KLHL41: variants seen among roughly 807,000 people sequenced by gnomAD.
The protein encoded by KLHL41 is kelch-like protein 41.
Under a neutral mutation model 49.2 loss-of-function variants are expected in KLHL41, and 31 were observed. The observed-to-expected ratio is 0.63, with a 90% confidence interval of 0.47 to 0.85. The LOEUF (loss-of-function observed/expected upper bound fraction) is 0.85. Ranked by LOEUF, KLHL41 falls within the 40% of genes least tolerant of loss-of-function variation. KLHL41 has a pLI of 0.00. For synonymous variants in KLHL41, 218 were observed against 258.5 expected (o/e 0.84, Z 1.50); for missense variants, 663 against 726.7 (o/e 0.91, Z 1.01).
chr2:169,524,864 A>G (rs1382794463), intron 5 of KLHL41, among the ~76,000 whole-genome samples: 2 of 152,170 alleles, frequency 1.3e-5, no homozygotes, highest in Non-Finnish European at 2.9e-5. Flanking sequence ...AGAAAGAGAA[A>G]GCAACAAACT....
chr2:169,523,012 C>T (rs753567799), intron 5 of KLHL41, among the ~76,000 whole-genome samples: 11 of 151,896 alleles, frequency 7.2e-5, no homozygotes, highest in South Asian at 2.1e-4. Context: ...CGTCAGCCAC[C>T]GAGCCCAGCC....
At position 169,509,839 on chromosome 2, in the gene KLHL41, G is replaced by C. The variant is rs765617286; in HGVS notation, c.61G>C (p.Asp21His). The change falls in exon 1 of 6, where the codon GAT becomes CAT. Residue 21 changes from aspartate to histidine, a missense_variant. By Grantham distance (81) the Asp-to-His change is moderately conservative. Coordinates refer to ENST00000284669, the MANE Select transcript of KLHL41 (RefSeq NM_006063.3). Reference protein sequence around the residue: ...LRLYQSTLLQDGLKDLLDEKK... With the variant: ...LRLYQSTLLQHGLKDLLDEKK... ...GCTTTACCAATCCACCCTTCTTCAG[G>C]ATGGTCTAAAAGATCTCCTGGATGA... 2.5e-6 allele frequency: 4 copies of C among 1,613,944 alleles called. No individual in the cohort carries two copies. The South Asian group carries it at 4.4e-5, about 18-fold the overall frequency.
chr2:169,521,502 T>C (rs1179756567), intron 5 of KLHL41, among the ~76,000 whole-genome samples: 5 of 152,220 alleles, frequency 3.3e-5, no homozygotes, highest in Non-Finnish European at 7.3e-5. Flanking sequence ...CAAGTGATTC[T>C]CCTGCCTCAG....
Position 169,518,375 on chromosome 2 carries a change from A to C in KLHL41, c.1562A>C (p.Lys521Thr). ...GAAGCTTTTGACCTTACAACAAATA[A>C]GTGAGTTGCCACATCTTAGTATATA... ...SVEAFDLTTN[K>T]WDVMTEFPQE... Residue 521 changes from lysine to threonine, a missense_variant and splice_region_variant, in exon 4 of 6, where the codon AAA becomes ACA. Physicochemically the swap from Lys to Thr is moderately conservative, Grantham distance 78. Around this residue, in one of 3 missense-constraint regions of KLHL41, gnomAD observed 528 missense variants for 581.0 expected, o/e 0.91. Coordinates refer to ENST00000284669, the MANE Select transcript of KLHL41 (RefSeq NM_006063.3). 1 of 1,606,022 alleles carries C rather than the reference A, an allele frequency of 6.2e-7. No homozygotes were observed.
At chr2:169,522,705 A>ATTTTT (rs60635668) in intron 5 of KLHL41, among the ~76,000 whole-genome samples, 562 of 50,122 alleles carry the variant, frequency 0.011, 63 homozygotes, top group East Asian at 0.028. Context: ...CTTCCCAGTG[A>ATTTTT]TTTTTTTTTT....
At chr2:169,522,388 A>G (rs537927303) in intron 5 of KLHL41, among the ~76,000 whole-genome samples, 5 of 152,304 alleles carry the variant, frequency 3.3e-5, no homozygotes, top group South Asian at 2.1e-4. Context: ...CCCCCAAAAA[A>G]GAGGGAGAAA....
chr2:169,518,575 G>A (rs1236493178), intron 4 of KLHL41, among the ~76,000 whole-genome samples, 200 bp downstream of exon 4: 1 of 152,178 alleles, frequency 6.6e-6, no homozygotes, highest in African/African-American at 2.4e-5. Context: ...TGCATTATAT[G>A]TCTGTAATCT....
At chr2:169,521,035 A>G (rs1376028003) in intron 5 of KLHL41, 28 bp downstream of exon 5, 1 of 1,599,206 alleles carries the variant, frequency 6.3e-7, no homozygotes, top group African/African-American at 1.3e-5. Flanking sequence ...CAATTTTCAG[A>G]ATCACATATT....
At chr2:169,522,864 A>G (rs1476677076) in intron 5 of KLHL41, among the ~76,000 whole-genome samples, 1 of 151,762 alleles carries the variant, frequency 6.6e-6, no homozygotes, top group Non-Finnish European at 1.5e-5. Context: ...CTGGGACTAC[A>G]GGTGTGCACC....
Position 169,518,304 on chromosome 2 carries a change from T to G in KLHL41, c.1491T>G (p.Ile497Met), listed in dbSNP as rs750017404. The G allele has an allele frequency of 6.2e-7, 1 of 1,614,064 alleles. No homozygotes were observed. Among genetic ancestry groups the G allele is most frequent in the Non-Finnish European group, 8.5e-7 (1 of 1,179,952 alleles). The change falls in exon 4 of 6, where the codon ATT becomes ATG. Residue 497 changes from isoleucine to methionine, a missense_variant. Physicochemically the swap from Ile to Met is conservative, Grantham distance 10 (BLOSUM62 1). Coordinates refer to ENST00000284669, the MANE Select transcript of KLHL41 (RefSeq NM_006063.3). ...MFGVAVHKGK[I>M]VIAGGVTEDG... is the part of the protein sequence containing the mutation. ...GAGTAGCAGTCCATAAAGGCAAAAT[T>G]GTGATTGCAGGAGGTGTCACTGAAG... is the stretch of plus-strand genomic sequence containing the variant.
chr2:169,525,591 A>AGAT lies in KLHL41; in HGVS notation c.1720_1722dup (p.Asp574dup), dbSNP rs765973620. 2 of 1,599,294 alleles carry AGAT rather than the reference A, an allele frequency of 1.3e-6. No individual in the cohort carries two copies. The highest frequency in any genetic ancestry group is 4.5e-5 in the East Asian group (2 of 44,782). ...TTTTTTTTTCCTCCATCAGGTATGA[A>AGAT]GATGATAAAAAAGAATGGGCTGGGA... On this transcript the variant is annotated inframe_insertion, in exon 6 of 6. Coordinates refer to ENST00000284669, the MANE Select transcript of KLHL41 (RefSeq NM_006063.3).
At chr2:169,520,598 C>T (rs1175859929) in intron 4 of KLHL41, among the ~76,000 whole-genome samples, 1 of 151,614 alleles carries the variant, frequency 6.6e-6, no homozygotes, top group Non-Finnish European at 1.5e-5. Flanking sequence ...ATTACAAGTG[C>T]GCGCCACCGT....
intron 1 of KLHL41, chr2:169,514,303 G>C: frequency 3.3e-6 from 1 of 300,340 alleles, no homozygotes; most frequent in Non-Finnish European, 6.1e-6. Context: ...CCTCACAGTT[G>C]TAATTAACCT....
intron 3 of KLHL41, among the ~76,000 whole-genome samples, chr2:169,517,420 T>C: frequency 6.6e-6 from 1 of 152,184 alleles, no homozygotes; most frequent in Non-Finnish European, 1.5e-5. Context: ...CTGGCCAACA[T>C]GGCGAAACCC....
At chr2:169,524,714 G>A (rs1051023012) in intron 5 of KLHL41, among the ~76,000 whole-genome samples, 6 of 151,868 alleles carry the variant, frequency 4.0e-5, no homozygotes, top group African/African-American at 1.5e-4. Flanking sequence ...GGGTTGTCTT[G>A]TGCCAGGTCT....
chr2:169,519,889 C>T (rs775002789), intron 4 of KLHL41, among the ~76,000 whole-genome samples: 5 of 151,990 alleles, frequency 3.3e-5, no homozygotes, highest in Middle Eastern at 3.4e-3. Flanking sequence ...CCACCGTGCC[C>T]GGCCTTAGGG....
chr2:169,522,169 G>A (rs1216300603), intron 5 of KLHL41, among the ~76,000 whole-genome samples: 1 of 152,170 alleles, frequency 6.6e-6, no homozygotes, highest in Non-Finnish European at 1.5e-5. Flanking sequence ...CTAAGCCTGA[G>A]AGTGAAAAGT....
chr2:169,514,989 T>A lies in KLHL41; in HGVS notation c.1376+28T>A, dbSNP rs28763870. 0.05 allele frequency: 68,535 copies of A among 1,365,222 alleles called. 2,279 individuals carry two copies. Among genetic ancestry groups the A allele is most frequent in the African/African-American group, 0.13 (8,727 of 67,446 alleles). The allele number at this position is 1,365,222 out of a possible 1,614,324, so 84.6% of individuals were successfully genotyped here. ...AAGTACCCTGAACTCTCATGATTTA[T>A]GTCTAAATGACTTTTTATTAGAAGG... On this transcript the variant is annotated intron_variant, in intron 3 of 5. Coordinates refer to ENST00000284669, the MANE Select transcript of KLHL41 (RefSeq NM_006063.3).
At position 169,510,250 on chromosome 2, in the gene KLHL41, G is replaced by A. The variant is rs1301544793; in HGVS notation, c.472G>A (p.Val158Met). The change falls in exon 1 of 6, where the codon GTG becomes ATG. Residue 158 changes from valine to methionine, a missense_variant. Physicochemically the swap from Val to Met is conservative, Grantham distance 21 (BLOSUM62 1). Around this residue, in one of 3 missense-constraint regions of KLHL41, gnomAD observed 528 missense variants for 581.0 expected, o/e 0.91. Coordinates refer to ENST00000284669, the MANE Select transcript of KLHL41 (RefSeq NM_006063.3). This position sits in a 1 kb window ranked among gnomAD's most constrained non-coding sequence, Gnocchi z 4.2. Reference sequence around the variant, plus strand: ...ACTCGCCATTTCTGCCCGTGAATTTGTGTCTGATCGCTTTGTACAGATTTG... The same window carrying A: ...ACTCGCCATTTCTGCCCGTGAATTTATGTCTGATCGCTTTGTACAGATTTG... ...PRLAISAREF[V>M]SDRFVQICKE... 2.5e-6 allele frequency: 4 copies of A among 1,613,942 alleles called. No individual in the cohort carries two copies. In the South Asian group the frequency reaches 4.4e-5, roughly 18 times the overall value.
Sources: allele counts gnomAD v4.1 joint callset (sites outside exome capture counted in the v4.1 genomes callset), GRCh38; gene constraint gnomAD v4.1.1; regional missense constraint gnomAD v4.1.1; non-coding constraint Gnocchi (gnomAD v3.1); transcripts MANE v1.5; gene names NCBI Gene and HGNC (gene_info 2026-07-23, HGNC 2026-07-21).